Variants in GNA14 observed in about 807,000 individuals in gnomAD.
GNA14 encodes the protein G protein subunit alpha 14, also known as guanine nucleotide-binding protein subunit alpha-14.
A neutral mutation model predicts 42.0 loss-of-function variants in GNA14; 50 were observed. That is an observed-to-expected ratio of 1.19 (90% CI 0.95 to 1.51). The LOEUF (loss-of-function observed/expected upper bound fraction) is 1.51, where lower values mean the gene tolerates loss of function less well. GNA14 is among the 40% of genes most tolerant of loss of function. GNA14 has a pLI of 0.00. For missense variants in GNA14, 473 were observed against 446.2 expected (o/e 1.06, Z -0.54); for synonymous variants, 173 against 163.1 (o/e 1.06, Z -0.46).
chr9:77,425,452 T>A, intron 6 of GNA14, 110 bp downstream of exon 6: 1 of 701,258 alleles, frequency 1.4e-6, no homozygotes, highest in Non-Finnish European at 2.4e-6. Flanking sequence ...GGGGAGAGGC[T>A]ATTGCAGGCA....
intron 1 of GNA14, among the ~76,000 whole-genome samples, chr9:77,557,264 G>A (rs1822799708): frequency 6.6e-6 from 1 of 152,146 alleles, no homozygotes; most frequent in Non-Finnish European, 1.5e-5. Context: ...AAAATGGAAA[G>A]AAAAAGATTA....
intron 2 of GNA14, among the ~76,000 whole-genome samples, chr9:77,520,958 T>C (rs1046529092): frequency 3.9e-5 from 6 of 152,212 alleles, no homozygotes; most frequent in Non-Finnish European, 5.9e-5. Context: ...TAAAGGGTAG[T>C]GGGTGTTTTA....
intron 1 of GNA14, among the ~76,000 whole-genome samples, chr9:77,646,161 AG>A (rs924320734): frequency 3.9e-5 from 6 of 152,078 alleles, no homozygotes; most frequent in African/African-American, 1.2e-4. Context: ...CCTCTCTCCT[AG>A]GGGGGCCTCT....
At chr9:77,505,507 T>A (rs566413363) in intron 2 of GNA14, among the ~76,000 whole-genome samples, 1 of 152,228 alleles carries the variant, frequency 6.6e-6, no homozygotes, top group African/African-American at 2.4e-5. Flanking sequence ...CATGGCAGGA[T>A]GAGTCGTAAT....
intron 2 of GNA14, among the ~76,000 whole-genome samples, chr9:77,460,743 C>G (rs932698563): frequency 6.6e-6 from 1 of 152,124 alleles, no homozygotes; most frequent in Non-Finnish European, 1.5e-5. Context: ...GACTACGCCT[C>G]GGCTATGGGG....
chr9:77,566,648 T>C (rs1822973176), intron 1 of GNA14, among the ~76,000 whole-genome samples: 1 of 152,178 alleles, frequency 6.6e-6, no homozygotes, highest in African/African-American at 2.4e-5. Flanking sequence ...AAGGCTTCAA[T>C]ATGTCCACTA....
chr9:77,493,556 C>T (rs561861998), intron 2 of GNA14, among the ~76,000 whole-genome samples: 14 of 152,216 alleles, frequency 9.2e-5, no homozygotes, highest in Admixed American at 9.2e-4. Context: ...TCATGTTACC[C>T]ACTCCCCTCA....
intron 2 of GNA14, among the ~76,000 whole-genome samples, chr9:77,461,224 G>T (rs912542982): frequency 6.6e-6 from 1 of 152,202 alleles, no homozygotes; most frequent in African/African-American, 2.4e-5. Context: ...GAGCTCCTCA[G>T]ACCAGCCACA....
intron 2 of GNA14, among the ~76,000 whole-genome samples, chr9:77,518,732 T>G (rs548944626): frequency 2.9e-4 from 44 of 152,362 alleles, no homozygotes; most frequent in Admixed American, 2.4e-3. Context: ...TCTTCTTATC[T>G]TTAATGAATT....
chr9:77,529,608 G>C (rs1837498166), intron 1 of GNA14, among the ~76,000 whole-genome samples: 1 of 152,194 alleles, frequency 6.6e-6, no homozygotes, highest in African/African-American at 2.4e-5. Context: ...TTGAGCCATA[G>C]GAACACTTGG....
intron 2 of GNA14, among the ~76,000 whole-genome samples, chr9:77,439,095 C>A (rs1423817236): frequency 6.6e-6 from 1 of 152,106 alleles, no homozygotes; most frequent in Non-Finnish European, 1.5e-5. Flanking sequence ...TCAGAGAAGT[C>A]ATTTTTGTCC....
At chr9:77,598,901 A>G (rs1158714109) in intron 1 of GNA14, among the ~76,000 whole-genome samples, 1 of 152,220 alleles carries the variant, frequency 6.6e-6, no homozygotes, top group African/African-American at 2.4e-5. Context: ...ACCATGATCC[A>G]GTCATTATTT....
intron 1 of GNA14, among the ~76,000 whole-genome samples, chr9:77,560,160 A>G (rs1822855458): frequency 6.6e-6 from 1 of 152,216 alleles, no homozygotes; most frequent in Admixed American, 6.5e-5. Flanking sequence ...CTCTATGAAT[A>G]TAAGTAACAA....
intron 1 of GNA14, among the ~76,000 whole-genome samples, chr9:77,623,495 G>C (rs1823966054): frequency 6.6e-6 from 1 of 152,136 alleles, no homozygotes; most frequent in Admixed American, 6.5e-5. Flanking sequence ...TGGCTGAATA[G>C]GAACAGCTCC....
chr9:77,468,515 G>T (rs1836275532), intron 2 of GNA14, among the ~76,000 whole-genome samples: 2 of 152,128 alleles, frequency 1.3e-5, no homozygotes, highest in Non-Finnish European at 2.9e-5. Context: ...TGTTGTGTTT[G>T]CTATATAGAG....
At chr9:77,632,225 G>A (rs1335110206) in intron 1 of GNA14, among the ~76,000 whole-genome samples, 1 of 152,204 alleles carries the variant, frequency 6.6e-6, no homozygotes, top group African/African-American at 2.4e-5. Context: ...GGGCACTGAG[G>A]GAAGCTTGGT....
intron 1 of GNA14, among the ~76,000 whole-genome samples, chr9:77,582,560 ATATC>A (rs1484167404): frequency 3.3e-5 from 5 of 152,226 alleles, no homozygotes; most frequent in African/African-American, 1.2e-4. Context: ...ATAAGTGGTT[ATATC>A]TATCTGAATT....
intron 2 of GNA14, among the ~76,000 whole-genome samples, chr9:77,444,762 C>G (rs73456105): frequency 0.011 from 1,648 of 152,308 alleles, 35 homozygotes; most frequent in African/African-American, 0.036. Context: ...GCTTCCATTA[C>G]AGTCCACTCA....
intron 1 of GNA14, among the ~76,000 whole-genome samples, chr9:77,536,892 A>G (rs1837605427): frequency 6.6e-6 from 1 of 152,242 alleles, no homozygotes; most frequent in African/African-American, 2.4e-5. Flanking sequence ...TGAGATATCA[A>G]AAATAATATA....
Sources: allele counts gnomAD v4.1 joint callset (sites outside exome capture counted in the v4.1 genomes callset), GRCh38; gene constraint gnomAD v4.1.1; transcripts MANE v1.5; gene names NCBI Gene and HGNC (gene_info 2026-07-23, HGNC 2026-07-21).